Variants in ORC4 observed in about 807,000 individuals in gnomAD.
ORC4 encodes origin recognition complex, subunit 4 homolog.
Under a neutral mutation model 63.9 loss-of-function variants are expected in ORC4, and 55 were observed. The observed-to-expected ratio is 0.86, with a 90% confidence interval of 0.69 to 1.08. ORC4 has a LOEUF of 1.08. ORC4 is among the 50% of genes least tolerant of loss of function. The pLI is 0.00. For synonymous variants in ORC4, 150 were observed against 168.5 expected (o/e 0.89, Z 0.85); for missense variants, 511 against 504.4 (o/e 1.01, Z -0.13).
intron 1 of ORC4, among the ~76,000 whole-genome samples, chr2:148,012,373 G>C (rs1693023418): frequency 6.6e-6 from 1 of 152,126 alleles, no homozygotes; most frequent in Admixed American, 6.5e-5. Context: ...TCAATAAATG[G>C]TGTTGGGAAA....
At position 147,973,495 on chromosome 2, in the gene ORC4, A is replaced by G. The variant is rs747538552; in HGVS notation, c.87T>C (p.Cys29=). The G allele has an allele frequency of 6.9e-6, 11 of 1,604,400 alleles. No individual in the cohort carries two copies. In the East Asian group the frequency reaches 1.1e-4, roughly 16 times the overall value. Reference sequence around the variant, plus strand: ...ATAGGTTACTATGTGGACTCTGACGACAAAATCTTTCACGTAAAATTCTTT... The same window carrying G: ...ATAGGTTACTATGTGGACTCTGACGGCAAAATCTTTCACGTAAAATTCTTT... The part of the protein sequence containing the change: ...QVQRILRERF[C]RQSPHSNLFG... Residue 29 remains cysteine (C), a synonymous_variant, in exon 3 of 14, where the codon TGT becomes TGC. Transcript: ENST00000392857.
At chr2:148,002,782 T>C (rs562663027) in intron 1 of ORC4, among the ~76,000 whole-genome samples, 7 of 151,924 alleles carry the variant, frequency 4.6e-5, no homozygotes, top group South Asian at 4.2e-4. Flanking sequence ...CTGAAGGAGA[T>C]AGAGACACAA....
Position 147,932,235 on chromosome 2 carries a change from A to G in ORC4, c.*3275T>C, listed in dbSNP as rs1687808520. 1 of 151,890 alleles carries G rather than the reference A, an allele frequency of 6.6e-6. No individual in the cohort carries two copies. Among genetic ancestry groups the G allele is most frequent in the Non-Finnish European group, 1.5e-5 (1 of 68,008 alleles). 9.4% of individuals were successfully genotyped at this position (151,890 alleles called of 1,614,324 possible). A position where few individuals can be genotyped will look rare whatever the true frequency, so the allele number is the denominator to read the frequency against. ...TTCAAAGAGAATAAAATACCTAGGA[A>G]TCCAACTTACAAGGGATGTGAAGGA... On this transcript the variant is annotated 3_prime_UTR_variant, in exon 14 of 14. Coordinates refer to ENST00000392857, the MANE Select transcript of ORC4 (RefSeq NM_181741.4).
At chr2:147,946,725 AAAG>A (rs1688677100) in intron 9 of ORC4, among the ~76,000 whole-genome samples, 1 of 152,098 alleles carries the variant, frequency 6.6e-6, no homozygotes, top group Non-Finnish European at 1.5e-5. Flanking sequence ...GTATTAAGAA[AAAG>A]AACAGGGAAT....
rs190502967 is a variant in ORC4, at chr2:147,959,728, C to A, written c.226-862G>T. Among the ~76,000 whole-genome samples, 42 of 152,120 alleles carry A rather than the reference C, an allele frequency of 2.8e-4. 1 individual carries two copies. Among genetic ancestry groups the A allele is most frequent in the Admixed American group, 2.0e-3 (30 of 15,280 alleles). On this transcript the variant is annotated intron_variant, in intron 4 of 13. Coordinates refer to ENST00000392857, the MANE Select transcript of ORC4 (RefSeq NM_181741.4). Reference sequence around the variant, plus strand: ...AGACAACAAAAATAAAAAAAATTTCCTGTTATACCTGCATGGTTTTTAAAG... The same window carrying A: ...AGACAACAAAAATAAAAAAAATTTCATGTTATACCTGCATGGTTTTTAAAG...
rs536621807 is a variant in ORC4 at position 147,936,132 on chromosome 2, TA to T, written c.1123-435del. 9.9e-5 allele frequency among the ~76,000 whole-genome samples: 15 copies of T among 152,224 alleles called. No homozygotes were observed. The East Asian group carries it at 2.9e-3, about 29-fold the overall frequency. ...CTGTCTCTATTTTTGCTTTGCTATG[TA>T]AAAAGGTAACACAGCTGTAACAGAG... is the stretch of plus-strand genomic sequence containing the variant. On this transcript the variant is annotated intron_variant, in intron 13 of 13. Coordinates refer to ENST00000392857, the MANE Select transcript of ORC4 (RefSeq NM_181741.4).
intron 2 of ORC4, among the ~76,000 whole-genome samples, chr2:147,975,004 T>A (rs1690458568): frequency 6.6e-6 from 1 of 152,162 alleles, no homozygotes; most frequent in East Asian, 1.9e-4. Context: ...ATTCGTGCAC[T>A]TTACATACAA....
At chr2:148,017,258 A>G (rs1174551113) in intron 1 of ORC4, among the ~76,000 whole-genome samples, 1 of 152,258 alleles carries the variant, frequency 6.6e-6, no homozygotes, top group Non-Finnish European at 1.5e-5. Context: ...TCATAATGAA[A>G]AGCTGAGGTA....
intron 1 of ORC4, among the ~76,000 whole-genome samples, chr2:147,980,920 C>T (rs2105369335): frequency 6.6e-6 from 1 of 152,238 alleles, no homozygotes. Context: ...ATCCTCACTC[C>T]CATATACACT....
chr2:148,004,002 A>G (rs1692466976), intron 1 of ORC4, among the ~76,000 whole-genome samples: 1 of 152,214 alleles, frequency 6.6e-6, no homozygotes, highest in Non-Finnish European at 1.5e-5. Flanking sequence ...GTGAACTCCC[A>G]TTCGCAATTC....
chr2:148,017,044 AGT>A (rs1211638122), intron 1 of ORC4, among the ~76,000 whole-genome samples: 2 of 152,228 alleles, frequency 1.3e-5, no homozygotes, highest in African/African-American at 4.8e-5. Context: ...ACTTCTACTG[AGT>A]GTGCTAAAGT....
rs978565085 is a variant in ORC4, at chr2:147,933,336, G to C, written c.*2174C>G. On this transcript the variant is annotated 3_prime_UTR_variant, in exon 14 of 14. Transcript: ENST00000392857. The stretch of plus-strand genomic sequence containing the variant: ...AGTTAGCTCAAAACTCTTGCGAATA[G>C]ATTTTAGCATTTTTGTATGAGGGAA... 1 of 152,064 alleles carries C rather than the reference G, an allele frequency of 6.6e-6. No homozygotes were observed. The highest frequency in any genetic ancestry group is 2.4e-5 in the African/African-American group (1 of 41,416). The allele number at this position is 152,064 out of a possible 1,614,324, so 9.4% of individuals were successfully genotyped here.
At position 147,931,666 on chromosome 2, in the gene ORC4, G is replaced by A. The variant is rs898373637; in HGVS notation, c.*3844C>T. Reference sequence around the variant, plus strand: ...GCTGGTTCAATATACGCAAATCAATGAATGTAATCCAGCATATAAACAGAG... The same window carrying A: ...GCTGGTTCAATATACGCAAATCAATAAATGTAATCCAGCATATAAACAGAG... On this transcript the variant is annotated 3_prime_UTR_variant, in exon 14 of 14. Transcript: ENST00000392857. The A allele has an allele frequency of 5.3e-5, 8 of 152,014 alleles. No individual in the cohort carries two copies. Among genetic ancestry groups the A allele is most frequent in the Admixed American group, 2.6e-4 (4 of 15,248 alleles). 9.4% of individuals were successfully genotyped at this position (152,014 alleles called of 1,614,324 possible). A position where few individuals can be genotyped will look rare whatever the true frequency, so the allele number is the denominator to read the frequency against.
intron 1 of ORC4, among the ~76,000 whole-genome samples, chr2:148,011,874 A>G (rs1404310600): frequency 6.6e-6 from 1 of 152,148 alleles, no homozygotes; most frequent in African/African-American, 2.4e-5. Context: ...AGCTACAAAT[A>G]ATATTAAATA....
chr2:148,001,139 C>T (rs1013271393), intron 1 of ORC4, among the ~76,000 whole-genome samples: 4 of 152,114 alleles, frequency 2.6e-5, no homozygotes, highest in African/African-American at 7.2e-5. Context: ...CCAATCATTT[C>T]GTTGCACCAT....
At chr2:148,010,964 G>T (rs188675492) in intron 1 of ORC4, among the ~76,000 whole-genome samples, 1 of 151,028 alleles carries the variant, frequency 6.6e-6, no homozygotes, top group Non-Finnish European at 1.5e-5. Context: ...GATTAGCTGG[G>T]ATTACAGGCA....
At chr2:147,973,632 T>C in intron 2 of ORC4, 108 bp from the exon 3 acceptor site, 2 of 656,730 alleles carry the variant, frequency 3.0e-6, no homozygotes, top group South Asian at 2.0e-5. Context: ...AATGAATCAA[T>C]TCAACCCTCC....
chr2:147,943,820 T>TG (rs1422407974), intron 9 of ORC4, among the ~76,000 whole-genome samples: 1 of 152,036 alleles, frequency 6.6e-6, no homozygotes, highest in Non-Finnish European at 1.5e-5. Context: ...ACTAGTGAAA[T>TG]GAACAAAATG....
Position 147,990,819 on chromosome 2 carries a change from A to G in ORC4, c.-17-14844T>C, listed in dbSNP as rs538476275. 9.8e-5 allele frequency among the ~76,000 whole-genome samples: 15 copies of G among 152,288 alleles called. No homozygotes were observed. The East Asian group carries it at 2.9e-3, about 29-fold the overall frequency. The stretch of plus-strand genomic sequence containing the variant: ...TAATATGATGCCATGATATTTTCTC[A>G]TTGATATTAAAATGAAGAAAAATAT... On this transcript the variant is annotated intron_variant, in intron 1 of 13. Coordinates refer to ENST00000392857, the MANE Select transcript of ORC4 (RefSeq NM_181741.4).
Sources: gnomAD v4.1 joint callset for allele counts (sites outside exome capture counted in the v4.1 genomes callset) on GRCh38, gnomAD v4.1.1 for gene constraint, MANE v1.5 for transcripts, NCBI Gene and HGNC (gene_info 2026-07-23, HGNC 2026-07-21) for gene names.